Variants in RPL26 observed in about 807,000 individuals in gnomAD.
RPL26 encodes ribosomal protein L26.
RPL26 carries 1 observed loss-of-function variant against 16.2 expected under a neutral mutation model. The observed-to-expected ratio is 0.06, with a 90% CI of 0.02 to 0.29. RPL26 has a LOEUF of 0.29. Ranked by LOEUF, RPL26 falls within the 10% of genes least tolerant of loss-of-function variation. The pLI, the probability that RPL26 is intolerant of heterozygous loss-of-function variation, is 1.00. For synonymous variants in RPL26, 55 were observed against 62.4 expected, an observed-to-expected ratio of 0.88 and a Z score of 0.56; for missense variants, 102 against 184.3, an observed-to-expected ratio of 0.55 and a Z score of 2.58.
At chr17:8,378,708 G>C (rs932122015) in intron 3 of RPL26, among the ~76,000 whole-genome samples, 1 of 152,154 alleles carries the variant, frequency 6.6e-6, no homozygotes, top group African/African-American at 2.4e-5. Flanking sequence ...GTGAAAAGAG[G>C]TGCTGGAAAT....
rs574807211 is a variant in RPL26, at chr17:8,383,164, C to G, written c.-13G>C. The G allele has an allele frequency of 2.5e-6, 1 of 398,588 alleles. No homozygotes were observed. Among genetic ancestry groups the G allele is most frequent in the African/African-American group, 2.1e-5 (1 of 48,654 alleles). 24.7% of individuals were successfully genotyped at this position (398,588 alleles called of 1,614,324 possible). A position where few individuals can be genotyped will look rare whatever the true frequency, so the allele number is the denominator to read the frequency against. ...TGCCCGCCGAATCCTTACCCGCTCC[C>G]GCTTCGGTGATGGCCGCAAAAGGGA... is the stretch of plus-strand genomic sequence containing the variant. On this transcript the variant is annotated 5_prime_UTR_variant, in exon 1 of 4. Coordinates refer to ENST00000648839, the MANE Select transcript of RPL26 (RefSeq NM_000987.5).
In RPL26 at chr17:8,382,126, C is replaced by T. The variant is rs368557278; in HGVS notation, c.168+17G>A. 5.4e-4 allele frequency: 873 copies of T among 1,607,110 alleles called. No individual in the cohort carries two copies. The highest frequency in any genetic ancestry group is 6.5e-4 in the Admixed American group (39 of 59,708). ...AAAATATCCATCAAGACAACGAGAA[C>T]AAGTAGGGATACACACCTGAACTTC... On this transcript the variant is annotated intron_variant, in intron 2 of 3. Coordinates refer to ENST00000648839, the MANE Select transcript of RPL26 (RefSeq NM_000987.5).
intron 3 of RPL26, 102 bp downstream of exon 3, chr17:8,379,694 A>G (rs1017274924): frequency 2.8e-6 from 3 of 1,081,706 alleles, no homozygotes; most frequent in Non-Finnish European, 4.1e-6. Context: ...TTTCCAGCAC[A>G]TGTAAAATCA....
intron 3 of RPL26, among the ~76,000 whole-genome samples, chr17:8,378,483 A>G (rs1368235667): frequency 6.6e-6 from 1 of 152,042 alleles, no homozygotes; most frequent in East Asian, 1.9e-4. Flanking sequence ...CAAGAGCAAA[A>G]CTCTGTCCAA....
intron 2 of RPL26, chr17:8,381,026 T>G (rs7211815): frequency 1.5e-5 from 2 of 135,740 alleles, no homozygotes. Context: ...CTAAGATTTG[T>G]GTGATTTTTT....
chr17:8,377,734 A>C (rs1907212870), intron 3 of RPL26, 42 bp from the exon 4 acceptor site: 2 of 1,574,184 alleles, frequency 1.3e-6, no homozygotes, highest in East Asian at 2.3e-5. Context: ...GCTTTAAATA[A>C]TCACTAAAAC....
In RPL26 at chr17:8,381,949, A is replaced by T. The variant is rs1009172836; in HGVS notation, c.168+194T>A. ...TTCATCTCAAAAAAAAAAAAAAAAA[A>T]GATTTTCACCAAATAATACAATTAA... On this transcript the variant is annotated intron_variant, in intron 2 of 3. Coordinates refer to ENST00000648839, the MANE Select transcript of RPL26 (RefSeq NM_000987.5). 1.3e-5 allele frequency: 6 copies of T among 459,600 alleles called. No individual in the cohort carries two copies. The East Asian group carries it at 1.8e-4, about 14-fold the overall frequency. 28.5% of individuals were successfully genotyped at this position (459,600 alleles called of 1,614,324 possible).
intron 1 of RPL26, 26 bp downstream of exon 1, chr17:8,383,131 C>T: frequency 2.5e-6 from 1 of 398,684 alleles, no homozygotes; most frequent in Non-Finnish European, 4.4e-6. Flanking sequence ...CTGCTGATTA[C>T]ACCCGCTTGC....
intron 2 of RPL26, 78 bp downstream of exon 2, chr17:8,382,065 C>T: frequency 1.5e-6 from 2 of 1,291,882 alleles, no homozygotes; most frequent in Non-Finnish European, 2.2e-6. Context: ...AAGCATCTTT[C>T]TCAGGAATGC....
chr17:8,378,471 G>A (rs76145870), intron 3 of RPL26, among the ~76,000 whole-genome samples: 1 of 152,036 alleles, frequency 6.6e-6, no homozygotes, highest in African/African-American at 2.4e-5. Flanking sequence ...CAGGCTGGGC[G>A]ACAAGAGCAA....
At chr17:8,383,120 G>A (rs558668460) in intron 1 of RPL26, 37 bp downstream of exon 1, 6 of 398,652 alleles carry the variant, frequency 1.5e-5, no homozygotes, top group African/African-American at 8.2e-5. Context: ...AGAACGGATG[G>A]CTGCTGATTA....
rs1225473385 is a variant in RPL26 at position 8,382,034 on chromosome 17, C to G, written c.168+109G>C. ...CCCTGGCTCAACTCATCTTGCCACT[C>G]TTTGGGAGCAAGAGTCTCAGAAGCA... On this transcript the variant is annotated intron_variant, in intron 2 of 3. Coordinates refer to ENST00000648839, the MANE Select transcript of RPL26 (RefSeq NM_000987.5). 3 of 976,084 alleles carry G rather than the reference C, an allele frequency of 3.1e-6. No individual in the cohort carries two copies. In the East Asian group the frequency reaches 7.6e-5, roughly 25 times the overall value. 60.5% of individuals were successfully genotyped at this position (976,084 alleles called of 1,614,324 possible).
intron 3 of RPL26, 155 bp downstream of exon 3, chr17:8,379,641 A>G (rs1025212311): frequency 6.0e-6 from 4 of 663,374 alleles, no homozygotes; most frequent in Non-Finnish European, 1.0e-5. Context: ...ATGGTATTAG[A>G]ATTTTCAATA....
chr17:8,378,827 A>G (rs1285360464), intron 3 of RPL26, among the ~76,000 whole-genome samples: 3 of 152,218 alleles, frequency 2.0e-5, no homozygotes, highest in African/African-American at 7.2e-5. Context: ...TAGAGTAAGA[A>G]GGCAAGTGTG....
At chr17:8,377,720 C>A in intron 3 of RPL26, 28 bp from the exon 4 acceptor site, 1 of 1,590,242 alleles carries the variant, frequency 6.3e-7, no homozygotes, top group South Asian at 1.1e-5. Flanking sequence ...AAAAACACTC[C>A]CAAGCTTTAA....
At chr17:8,379,966 T>A in intron 2 of RPL26, 30 bp from the exon 3 acceptor site, 1 of 1,587,386 alleles carries the variant, frequency 6.3e-7, no homozygotes, top group Non-Finnish European at 8.6e-7. Flanking sequence ...TAACAAATAT[T>A]TGAATAAAAG....
chr17:8,380,561 CTAAA>C (rs910497666), intron 2 of RPL26: 11 of 152,218 alleles, frequency 7.2e-5, no homozygotes, highest in African/African-American at 2.7e-4. Flanking sequence ...AAACCTTCAC[CTAAA>C]TAGATGCAAC....
rs758125897 is a variant in RPL26, at chr17:8,379,850, C to A, written c.255G>T (p.Val85=). The A allele has an allele frequency of 3.1e-6, 5 of 1,613,864 alleles. No individual in the cohort carries two copies. The South Asian group carries it at 5.5e-5, about 18-fold the overall frequency. ...RKKYVIYIER[V]QREKANGTTV... Reference sequence around the variant, plus strand: ...TTGTGCCATTAGCCTTTTCCCGCTGCACCCGTTCAATGTAGATAACATATT... The same window carrying A: ...TTGTGCCATTAGCCTTTTCCCGCTGAACCCGTTCAATGTAGATAACATATT... The change falls in exon 3 of 4, where the codon GTG becomes GTT. Residue 85 remains valine (V), a synonymous_variant. Coordinates refer to ENST00000648839, the MANE Select transcript of RPL26 (RefSeq NM_000987.5).
intron 1 of RPL26, 73 bp from the exon 2 acceptor site, chr17:8,382,388 T>A (rs144156996): frequency 2.0e-5 from 22 of 1,101,290 alleles, no homozygotes; most frequent in Non-Finnish European, 3.0e-5. Flanking sequence ...ACCGCAATGA[T>A]TTTATCTTGA....
Sources: allele counts gnomAD v4.1 joint callset (sites outside exome capture counted in the v4.1 genomes callset), GRCh38; gene constraint gnomAD v4.1.1; transcripts MANE v1.5; gene names NCBI Gene and HGNC (gene_info 2026-07-23, HGNC 2026-07-21).